Variants in JPH1 observed in about 807,000 individuals in gnomAD.
JPH1 encodes the protein junctophilin 1, also known as junctophilin-1.
JPH1 carries 12 observed loss-of-function variants against 53.6 expected under a neutral mutation model. The ratio of observed to expected loss-of-function variants is 0.22; its 90% CI spans 0.14 to 0.36. The LOEUF is 0.36. Among genes scored for constraint, JPH1 ranks in the 10% least tolerant of loss-of-function variants. JPH1 has a pLI of 1.00. For synonymous variants in JPH1, 375 were observed against 363.8 expected, an observed-to-expected ratio of 1.03 and a Z score of -0.35; for missense variants, 808 against 905.5, an observed-to-expected ratio of 0.89 and a Z score of 1.38.
rs1036197170 is a variant in JPH1, at chr8:74,320,642, G to C, written c.379+267C>G. On this transcript the variant is annotated intron_variant, in intron 1 of 5. Coordinates refer to ENST00000342232, the MANE Select transcript of JPH1 (RefSeq NM_020647.4). The surrounding 1 kb of genome is among the most constrained non-coding windows in gnomAD (Gnocchi z 4.4). ...CCGGTGGCAGCGCAGCGCTGGCGCCGGCCAGGTACATTCACGCCTAGCTCC... is the reference window on the plus strand; with the variant it reads ...CCGGTGGCAGCGCAGCGCTGGCGCCCGCCAGGTACATTCACGCCTAGCTCC... Among the ~76,000 whole-genome samples, 7 of 151,842 alleles carry C rather than the reference G, an allele frequency of 4.6e-5. No homozygotes were observed. Among genetic ancestry groups the C allele is most frequent in the Non-Finnish European group, 8.8e-5 (6 of 68,002 alleles).
In JPH1 at chr8:74,275,764, G is replaced by T. The variant is rs1458124936; in HGVS notation, c.1140-16261C>A. ...TTAAAGGAACTTCCAATCCTTTAAT[G>T]TAACAGTCATCAGTTTTTCTTCACA... On this transcript the variant is annotated intron_variant, in intron 2 of 5. Transcript: ENST00000342232. Among the ~76,000 whole-genome samples the T allele has an allele frequency of 2.0e-5, 3 of 152,214 alleles. No individual in the cohort carries two copies. The East Asian group carries it at 5.8e-4, about 29-fold the overall frequency.
At chr8:74,281,604 TAA>T (rs981772486) in intron 2 of JPH1, among the ~76,000 whole-genome samples, 8 of 152,366 alleles carry the variant, frequency 5.3e-5, no homozygotes, top group Admixed American at 3.9e-4. Context: ...TAAAAGATGC[TAA>T]GAGTTCTGAT....
intron 2 of JPH1, among the ~76,000 whole-genome samples, chr8:74,302,858 TTTG>T (rs1490800670): frequency 2.0e-5 from 3 of 152,104 alleles, no homozygotes; most frequent in Admixed American, 2.0e-4. Flanking sequence ...TAGTGCCATA[TTTG>T]GACAGAGCTG....
In JPH1 at chr8:74,243,427, G is replaced by C. The variant is rs560838656; in HGVS notation, c.1905+1102C>G. ...TTAAAAAGTTGAAAATTTGAAAAAAGAAGAGAACCAGTGTTTTATAGATAT... is the reference window on the plus strand; with the variant it reads ...TTAAAAAGTTGAAAATTTGAAAAAACAAGAGAACCAGTGTTTTATAGATAT... On this transcript the variant is annotated intron_variant, in intron 4 of 5. Coordinates refer to ENST00000342232, the MANE Select transcript of JPH1 (RefSeq NM_020647.4). Among the ~76,000 whole-genome samples the C allele has an allele frequency of 1.9e-4, 29 of 152,262 alleles. 1 individual carries two copies. In the East Asian group the frequency reaches 5.4e-3, roughly 28 times the overall value.
chr8:74,249,536 A>G (rs1006705001), intron 3 of JPH1, among the ~76,000 whole-genome samples: 2 of 152,236 alleles, frequency 1.3e-5, no homozygotes, highest in Admixed American at 6.5e-5. Flanking sequence ...CTTGGCTGGC[A>G]CTCAATACCC....
chr8:74,239,016 G>C (rs1398311394), intron 4 of JPH1, among the ~76,000 whole-genome samples: 19 of 152,188 alleles, frequency 1.2e-4, no homozygotes, highest in Admixed American at 1.2e-3. Flanking sequence ...AGAACAAACA[G>C]GGTGATGAGT....
intron 2 of JPH1, among the ~76,000 whole-genome samples, chr8:74,283,904 G>A (rs1304527560): frequency 8.2e-6 from 1 of 121,252 alleles, no homozygotes; most frequent in Non-Finnish European, 1.7e-5. Context: ...CAAAGAGATG[G>A]AGGAAATGAA....
chr8:74,255,242 A>G (rs1196293550), intron 3 of JPH1, among the ~76,000 whole-genome samples: 2 of 152,126 alleles, frequency 1.3e-5, no homozygotes, highest in Non-Finnish European at 2.9e-5. Context: ...ATAATGCTGC[A>G]TATCTACAAC....
chr8:74,310,653 A>G (rs989280203), intron 2 of JPH1, among the ~76,000 whole-genome samples: 6 of 152,176 alleles, frequency 3.9e-5, no homozygotes, highest in Admixed American at 3.3e-4. Flanking sequence ...CTCCCTCTTC[A>G]GAGAAGCAAA....
chr8:74,246,321 T>C (rs920129632), intron 3 of JPH1, among the ~76,000 whole-genome samples: 3 of 151,942 alleles, frequency 2.0e-5, no homozygotes, highest in African/African-American at 7.3e-5. Flanking sequence ...TCATTTTCCT[T>C]CCTGCCTTCT....
At chr8:74,294,824 T>A (rs1586763823) in intron 2 of JPH1, among the ~76,000 whole-genome samples, 1 of 152,226 alleles carries the variant, frequency 6.6e-6, no homozygotes, top group East Asian at 1.9e-4. Flanking sequence ...TACTTTAAAT[T>A]TATTGACTCT....
chr8:74,239,710 T>C (rs1307551493), intron 4 of JPH1, among the ~76,000 whole-genome samples: 5 of 152,168 alleles, frequency 3.3e-5, no homozygotes, highest in African/African-American at 1.2e-4. Context: ...GGGTTTCAGA[T>C]TTTCTTCTGA....
At position 74,237,321 on chromosome 8, in the gene JPH1, C is replaced by T. The variant is rs376433164; in HGVS notation, c.1906-18G>A. 6.3e-7 allele frequency: 1 copy of T among 1,579,412 alleles called. No individual in the cohort carries two copies. On this transcript the variant is annotated intron_variant, in intron 4 of 5. Transcript: ENST00000342232. The stretch of plus-strand genomic sequence containing the variant: ...TTAGGGCCCTGAAAATGAAAGAGAA[C>T]AAAGTAACTATAACTTCTCCATGTT...
intron 2 of JPH1, among the ~76,000 whole-genome samples, chr8:74,270,491 G>A (rs1466426919): frequency 6.6e-6 from 1 of 152,128 alleles, no homozygotes; most frequent in African/African-American, 2.4e-5. Flanking sequence ...CTGAGAAAAT[G>A]GAAGCAGAAA....
At chr8:74,283,832 TA>T (rs537974174) in intron 2 of JPH1, among the ~76,000 whole-genome samples, 2 of 152,308 alleles carry the variant, frequency 1.3e-5, no homozygotes, top group Admixed American at 6.5e-5. Flanking sequence ...TTTAGTCCCA[TA>T]AAAAATGCTC....
intron 2 of JPH1, among the ~76,000 whole-genome samples, chr8:74,279,931 T>A (rs1806961793): frequency 6.6e-6 from 1 of 152,230 alleles, no homozygotes; most frequent in African/African-American, 2.4e-5. Context: ...TTTATTTGTA[T>A]AAATAAAAAC....
chr8:74,320,490 C>T lies in JPH1; in HGVS notation c.379+419G>A, dbSNP rs771477698. 2.6e-5 allele frequency among the ~76,000 whole-genome samples: 4 copies of T among 152,132 alleles called. No homozygotes were observed. The South Asian group carries it at 6.2e-4, about 24-fold the overall frequency. On this transcript the variant is annotated intron_variant, in intron 1 of 5. Coordinates refer to ENST00000342232, the MANE Select transcript of JPH1 (RefSeq NM_020647.4). This position sits in a 1 kb window ranked among gnomAD's most constrained non-coding sequence, Gnocchi z 4.4. ...GCCAACCTCACCCGCTCAGGGTGTT[C>T]GCTCTAACTCCACGGGAGTGGCGAT...
intron 2 of JPH1, among the ~76,000 whole-genome samples, chr8:74,265,121 G>A (rs1196040126): frequency 2.6e-5 from 4 of 152,070 alleles, no homozygotes; most frequent in Non-Finnish European, 1.5e-5. Context: ...TTTTTGGAAA[G>A]CAGAATAAAT....
Position 74,315,136 on chromosome 8 carries a change from G to A in JPH1, c.864C>T (p.Asp288=), listed in dbSNP as rs968165137. The A allele has an allele frequency of 6.2e-7, 1 of 1,614,230 alleles. No homozygotes were observed. The highest frequency in any genetic ancestry group is 8.5e-7 in the Non-Finnish European group (1 of 1,180,046). ...CGCTAACGCCGAAGCCGTTGCGCTT[G>A]TCGTTCTTCCACTCGCCCATGTAGG... ...TETYMGEWKN[D]KRNGFGVSER... is the part of the protein sequence containing the mutation. Residue 288 remains aspartate, a synonymous_variant, in exon 2 of 6, where the codon GAC becomes GAT. Transcript: ENST00000342232. The surrounding 1 kb of genome is among the most constrained non-coding windows in gnomAD (Gnocchi z 6.3).
Sources: gnomAD v4.1 joint callset for allele counts (sites outside exome capture counted in the v4.1 genomes callset) on GRCh38, gnomAD v4.1.1 for gene constraint, Gnocchi (gnomAD v3.1) non-coding constraint, MANE v1.5 for transcripts, NCBI Gene and HGNC (gene_info 2026-07-23, HGNC 2026-07-21) for gene names.